Variants in TMC3 observed in about 807,000 individuals in gnomAD.
TMC3 encodes transmembrane channel-like protein 3.
In TMC3, 98 loss-of-function variants were observed where a neutral mutation model predicts 110.6. The observed-to-expected ratio is 0.89, with a 90% CI of 0.75 to 1.05. The LOEUF is 1.05. TMC3 is among the 50% of genes least tolerant of loss of function. TMC3 has a pLI of 0.00. For synonymous variants in TMC3, 489 were observed against 513.1 expected (o/e 0.95, Z 0.63); for missense variants, 1,319 against 1,373.2 (o/e 0.96, Z 0.62).
intron 9 of TMC3, 55 bp from the exon 10 acceptor site, chr15:81,351,896 C>A (rs1168794403): frequency 7.6e-6 from 12 of 1,583,910 alleles, no homozygotes; most frequent in Non-Finnish European, 1.0e-5. Context: ...CACAGCACCA[C>A]GATGCAAAGA....
At chr15:81,360,245 C>T (rs1473110777) in intron 4 of TMC3, among the ~76,000 whole-genome samples, 1 of 152,132 alleles carries the variant, frequency 6.6e-6, no homozygotes, top group East Asian at 1.9e-4. Flanking sequence ...GAATTAGTTT[C>T]TATTAAACTT....
At position 81,344,943 on chromosome 15, in the gene TMC3, G is replaced by A. The variant is rs4278705; in HGVS notation, c.1341C>T (p.Ala447=). ...DSTTFFATRT[A]PEEEKWSTSR... is the part of the protein sequence containing the mutation. ...ATGTGGACCATTTCTCTTCTTCAGG[G>A]GCTGTCCTGGTTGCAAAGAAGGTGG... The change falls in exon 13 of 22, where the codon GCC becomes GCT. Residue 447 remains alanine (A), a synonymous_variant. Coordinates refer to ENST00000359440, the MANE Select transcript of TMC3 (RefSeq NM_001080532.3). 1,140,387 of 1,611,898 alleles carry A rather than the reference G, an allele frequency of 0.71. 417,050 individuals are homozygous for A. The highest frequency in any genetic ancestry group is 0.77 in the Non-Finnish European group (902,890 of 1,179,138).
intron 12 of TMC3, among the ~76,000 whole-genome samples, chr15:81,345,586 C>G (rs940107146): frequency 3.3e-5 from 5 of 152,106 alleles, no homozygotes; most frequent in Admixed American, 2.6e-4. Flanking sequence ...AAGTGGACAT[C>G]AGGCTGGGCG....
intron 21 of TMC3, among the ~76,000 whole-genome samples, chr15:81,333,926 G>A (rs1384762552): frequency 6.6e-6 from 1 of 151,846 alleles, no homozygotes; most frequent in Non-Finnish European, 1.5e-5. Flanking sequence ...GGAGGTGGAG[G>A]TTGCAGTGGG....
intron 9 of TMC3, among the ~76,000 whole-genome samples, chr15:81,352,693 G>A (rs1307733586): frequency 6.6e-6 from 1 of 152,218 alleles, no homozygotes. Flanking sequence ...ACACCTCCGT[G>A]CGTGTTATGG....
intron 10 of TMC3, among the ~76,000 whole-genome samples, chr15:81,351,065 A>G (rs943624858): frequency 6.6e-6 from 1 of 152,240 alleles, no homozygotes; most frequent in African/African-American, 2.4e-5. Context: ...GTCTGCAGGA[A>G]TGTGGAACAT....
chr15:81,348,417 T>G (rs1270900570), intron 11 of TMC3, among the ~76,000 whole-genome samples: 2 of 152,304 alleles, frequency 1.3e-5, no homozygotes, highest in South Asian at 4.1e-4. Context: ...TAGCTAAATT[T>G]GTAAATGAAG....
rs139855965 is a variant in TMC3, at chr15:81,341,013, C to T, written c.1844+377G>A. On this transcript the variant is annotated intron_variant, in intron 16 of 21. Transcript: ENST00000359440. Reference sequence around the variant, plus strand: ...GCCTAATTATGCCATTAGAAGTTGGCAGTGATTGGAATGACATACAAGTGG... The same window carrying T: ...GCCTAATTATGCCATTAGAAGTTGGTAGTGATTGGAATGACATACAAGTGG... 2.0e-5 allele frequency among the ~76,000 whole-genome samples: 3 copies of T among 152,254 alleles called. No individual in the cohort carries two copies. The East Asian group carries it at 5.8e-4, about 29-fold the overall frequency.
intron 17 of TMC3, 119 bp from the exon 18 acceptor site, chr15:81,338,899 A>G: frequency 9.2e-7 from 1 of 1,085,310 alleles, no homozygotes; most frequent in Non-Finnish European, 1.3e-6. Context: ...AAATGATTTC[A>G]TATCTAATTA....
chr15:81,340,652 C>G (rs1893694881), intron 16 of TMC3, among the ~76,000 whole-genome samples: 1 of 152,174 alleles, frequency 6.6e-6, no homozygotes, highest in African/African-American at 2.4e-5. Flanking sequence ...TCATATAATG[C>G]TGCTAGACAT....
In TMC3 at chr15:81,374,083, C is replaced by G. The variant is rs200232921; in HGVS notation, c.-6G>C. On this transcript the variant is annotated 5_prime_UTR_variant, in exon 1 of 22. Transcript: ENST00000359440. ...GATGCCTTCGAGGTTTTCATGGGAGCTAACCCACTGCTAACAATCAGAAGC... is the reference window on the plus strand; with the variant it reads ...GATGCCTTCGAGGTTTTCATGGGAGGTAACCCACTGCTAACAATCAGAAGC... 2.5e-6 allele frequency: 4 copies of G among 1,613,190 alleles called. No homozygotes were observed. The Admixed American group carries it at 5.0e-5, about 20-fold the overall frequency.
At position 81,331,140 on chromosome 15, in the gene TMC3, A is replaced by G. The variant is rs1893453810; in HGVS notation, c.*1279T>C. ...GGTGATCACCTGGCTCAGTAGGACTAGCGTCCAGGAAAGTCTGAGCCCTGG... is the reference window on the plus strand; with the variant it reads ...GGTGATCACCTGGCTCAGTAGGACTGGCGTCCAGGAAAGTCTGAGCCCTGG... On this transcript the variant is annotated 3_prime_UTR_variant, in exon 22 of 22. Transcript: ENST00000359440. 1 of 152,282 alleles carries G rather than the reference A, an allele frequency of 6.6e-6. No homozygotes were observed. The highest frequency in any genetic ancestry group is 1.5e-5 in the Non-Finnish European group (1 of 68,060). The allele number at this position is 152,282 out of a possible 1,614,324, so 9.4% of individuals were successfully genotyped here. A position where few individuals can be genotyped will look rare whatever the true frequency, so the allele number is the denominator to read the frequency against.
intron 4 of TMC3, 64 bp downstream of exon 4, chr15:81,362,156 C>T (rs1185631174): frequency 1.5e-5 from 22 of 1,422,866 alleles, no homozygotes; most frequent in African/African-American, 2.8e-5. Flanking sequence ...AGCAGACTCT[C>T]CTTAGGCTGT....
At chr15:81,342,986 A>G in intron 15 of TMC3, 2 of 300,534 alleles carry the variant, frequency 6.7e-6, no homozygotes, top group Admixed American at 4.7e-5. Context: ...CTCTCCTTCC[A>G]GCCTTCCCCA....
At chr15:81,335,719 G>T (rs913325307) in intron 20 of TMC3, 1 of 152,326 alleles carries the variant, frequency 6.6e-6, no homozygotes, top group Non-Finnish European at 1.5e-5. Flanking sequence ...CATGTAGGCT[G>T]TGCCATGTTA....
At chr15:81,371,978 C>T (rs1035402362) in intron 2 of TMC3, among the ~76,000 whole-genome samples, 25 of 152,060 alleles carry the variant, frequency 1.6e-4, no homozygotes, top group Admixed American at 1.2e-3. Flanking sequence ...AAATTAATAT[C>T]ACATAGATAG....
Position 81,372,756 on chromosome 15 carries a change from A to G in TMC3, c.90-19T>C. 1 of 1,612,842 alleles carries G rather than the reference A, an allele frequency of 6.2e-7. No homozygotes were observed. Among genetic ancestry groups the G allele is most frequent in the Non-Finnish European group, 8.5e-7 (1 of 1,179,190 alleles). On this transcript the variant is annotated intron_variant, in intron 1 of 21. Transcript: ENST00000359440. ...CAAGTTGCTGAATGATCAGGGCATTAAGGAGGAAATCTGATTAGAAGAATT... is the reference window on the plus strand; with the variant it reads ...CAAGTTGCTGAATGATCAGGGCATTGAGGAGGAAATCTGATTAGAAGAATT...
intron 2 of TMC3, among the ~76,000 whole-genome samples, chr15:81,370,841 A>T (rs1894418357): frequency 6.6e-6 from 1 of 151,846 alleles, no homozygotes; most frequent in African/African-American, 2.4e-5. Context: ...TGCCCAACTA[A>T]TTTTTGTATT....
chr15:81,374,099 A>C lies in TMC3; in HGVS notation c.-22T>G. The C allele has an allele frequency of 6.2e-7, 1 of 1,609,650 alleles. No homozygotes were observed. On this transcript the variant is annotated 5_prime_UTR_variant, in exon 1 of 22. The change creates a new upstream start codon in the 5' untranslated region. Coordinates refer to ENST00000359440, the MANE Select transcript of TMC3 (RefSeq NM_001080532.3). ...TCATGGGAGCTAACCCACTGCTAAC[A>C]ATCAGAAGCTGGCCAGAGAGCTAGG...
Sources: allele counts gnomAD v4.1 joint callset (sites outside exome capture counted in the v4.1 genomes callset), GRCh38; gene constraint gnomAD v4.1.1; transcripts MANE v1.5; gene names NCBI Gene and HGNC (gene_info 2026-07-23, HGNC 2026-07-21).